Variants in MUC6 observed in about 807,000 individuals in gnomAD.
MUC6 encodes the protein mucin 6, oligomeric mucus/gel-forming (gene/pseudogene).
MUC6 carries 188 observed loss-of-function variants against 201.5 expected under a neutral mutation model. The observed-to-expected ratio is 0.93, with a 90% CI of 0.83 to 1.05. MUC6 has a LOEUF of 1.05. Among genes scored for constraint, MUC6 ranks in the 50% least tolerant of loss-of-function variants. The probability of loss-of-function intolerance (pLI) is 0.00; values close to 1 mark genes in which losing one functional copy is unlikely to be tolerated. For missense variants in MUC6, 2,706 were observed against 3,256.9 expected (o/e 0.83, Z 4.12); for synonymous variants, 1,228 against 1,389.4 (o/e 0.88, Z 2.58).
At chr11:1,034,195 G>T (rs1857169237) in intron 1 of MUC6, among the ~76,000 whole-genome samples, 1 of 151,882 alleles carries the variant, frequency 6.6e-6, no homozygotes, top group Non-Finnish European at 1.5e-5. Context: ...CAGGCAGGAG[G>T]TTGGGTATTT....
At position 1,017,233 on chromosome 11, in the gene MUC6, G is replaced by A. The variant is rs1222685266; in HGVS notation, c.5568C>T (p.Ile1856=). 6.2e-7 allele frequency: 1 copy of A among 1,614,048 alleles called. No individual in the cohort carries two copies. ...SLVTPSTHTV[I]IPTHTQMATS... is the part of the protein sequence containing the mutation. The stretch of plus-strand genomic sequence containing the variant: ...TGGCCATCTGTGTGTGGGTAGGGAT[G>A]ATGACCGTGTGAGTACTTGGAGTCA... Residue 1856 remains isoleucine (I), a synonymous_variant, in exon 31 of 33, where the codon ATC becomes ATT. Coordinates refer to ENST00000421673, the MANE Select transcript of MUC6 (RefSeq NM_005961.3).
Position 1,017,029 on chromosome 11 carries a change from T to A in MUC6, c.5772A>T (p.Ser1924=), listed in dbSNP as rs35621365. ...TSTSLPYHTS[S]THHPEVTPTS... is the part of the protein sequence containing the mutation. ...TTGGGGTGACTTCAGGATGGTGTGT[T>A]GAGGAAGTGTGGTAAGGTAGGGATG... The change falls in exon 31 of 33, where the codon TCA becomes TCT. Residue 1924 remains serine, a synonymous_variant. Coordinates refer to ENST00000421673, the MANE Select transcript of MUC6 (RefSeq NM_005961.3). 275 of 1,604,230 alleles carry A rather than the reference T, an allele frequency of 1.7e-4. No individual in the cohort carries two copies. The highest frequency in any genetic ancestry group is 1.2e-3 in the African/African-American group (86 of 72,982).
Position 1,028,356 on chromosome 11 carries a change from C to T in MUC6, c.1623G>A (p.Thr541=), listed in dbSNP as rs373499875. The T allele has an allele frequency of 7.3e-5, 117 of 1,612,502 alleles. No homozygotes were observed. Among genetic ancestry groups the T allele is most frequent in the Non-Finnish European group, 9.3e-5 (110 of 1,179,848 alleles). Residue 541 remains threonine, a synonymous_variant, in exon 14 of 33, where the codon ACG becomes ACA. Transcript: ENST00000421673. The stretch of plus-strand genomic sequence containing the variant: ...TACCCATGCTAGTGGTGAAGTCATC[C>T]GTTGTGTCCCCGTTGAAGTTGCCGC... ...GLCGNFNGDT[T]DDFTTSMGIA... is the part of the protein sequence containing the mutation.
At position 1,016,035 on chromosome 11, in the gene MUC6, C is replaced by T. The variant is rs1856598323; in HGVS notation, c.6766G>A (p.Ala2256Thr). The change falls in exon 31 of 33, where the codon GCC becomes ACC. Residue 2256 changes from alanine (A) to threonine (T), a missense_variant. Physicochemically the swap from Ala to Thr is moderately conservative, Grantham distance 58. Transcript: ENST00000421673. ...AAGGCAGGGGCGGTGTGGGTGCTGG[C>T]CGTGGTCCTGGGCGTGGACGGAAAT... The part of the protein sequence containing the change: ...IAFPSTPRTT[A>T]STHTAPAFSS... 6.2e-7 allele frequency: 1 copy of T among 1,610,128 alleles called. No homozygotes were observed. Among genetic ancestry groups the T allele is most frequent in the Admixed American group, 1.7e-5 (1 of 59,870 alleles).
Position 1,029,209 on chromosome 11 carries a change from G to T in MUC6, c.1275+19C>A, listed in dbSNP as rs1857041507. 8 of 1,606,252 alleles carry T rather than the reference G, an allele frequency of 5.0e-6. No individual in the cohort carries two copies. The highest frequency in any genetic ancestry group is 1.3e-5 in the African/African-American group (1 of 74,968). On this transcript the variant is annotated intron_variant, in intron 10 of 32. Coordinates refer to ENST00000421673, the MANE Select transcript of MUC6 (RefSeq NM_005961.3). ...TCACCGGGAGCGCCCCTCCCCACGG[G>T]CCACAGGGCTCGTCCTACCTGGAGG...
rs952528294 is a variant in MUC6 at position 1,030,605 on chromosome 11, G to C, written c.860C>G (p.Pro287Arg). 1.3e-6 allele frequency: 2 copies of C among 1,532,038 alleles called. No individual in the cohort carries two copies. Among genetic ancestry groups the C allele is most frequent in the East Asian group, 2.4e-5 (1 of 41,168 alleles). 94.9% of individuals were successfully genotyped at this position (1,532,038 alleles called of 1,614,324 possible). Reference sequence around the variant, plus strand: ...GCCGGGGCTCCGCCAGCGGCGGACCGGCTGGCCCACCATGCTGCACTGGCG... The same window carrying C: ...GCCGGGGCTCCGCCAGCGGCGGACCCGCTGGCCCACCATGCTGCACTGGCG... ...YSRQCSMVGQ[P>R]VRRWRSPGLC... The change falls in exon 7 of 33, where the codon CCG becomes CGG. Residue 287 changes from proline (P) to arginine (R), a missense_variant. Physicochemically the swap from Pro to Arg is moderately radical, Grantham distance 103 (BLOSUM62 -2). Transcript: ENST00000421673.
chr11:1,021,227 A>C lies in MUC6; in HGVS notation c.3577T>G (p.Cys1193Gly). 3 of 1,590,056 alleles carry C rather than the reference A, an allele frequency of 1.9e-6. No homozygotes were observed. The highest frequency in any genetic ancestry group is 2.3e-5 in the South Asian group (2 of 87,480). The part of the protein sequence containing the change: ...DEYFDHEEGV[C>G]VPCMPPTTPQ... ...CGACTGGACTTACTGCAGGGCACGC[A>C]CACCCCCTCCTCGTGGTCGAAGTAC... Residue 1193 changes from cysteine to glycine, a missense_variant, in exon 27 of 33, where the codon TGC (cysteine) becomes GGC (glycine). Around this residue, in one of 10 missense-constraint regions of MUC6, gnomAD observed 1,850 missense variants for 1,958.3 expected, o/e 0.94. Coordinates refer to ENST00000421673, the MANE Select transcript of MUC6 (RefSeq NM_005961.3).
At chr11:1,021,166 C>A (rs1856796655) in intron 27 of MUC6, 49 bp downstream of exon 27, 1 of 1,503,778 alleles carries the variant, frequency 6.6e-7, no homozygotes, top group Non-Finnish European at 8.9e-7. Context: ...GTGCGTTCTG[C>A]CTGCATGCAG....
In MUC6 at chr11:1,016,168, A is replaced by C; in HGVS notation, c.6633T>G (p.Thr2211=). Residue 2211 remains threonine (T), a synonymous_variant, in exon 31 of 33, where the codon ACT becomes ACG. Transcript: ENST00000421673. ...SPAASTTIRA[T]LPHTISSPFT... is the part of the protein sequence containing the mutation. ...AAGGAGAGGAGATAGTGTGGGGGAG[A>C]GTGGCCCTAATGGTAGTAGAGGCAG... is the stretch of plus-strand genomic sequence containing the variant. 2 of 1,613,460 alleles carry C rather than the reference A, an allele frequency of 1.2e-6. No homozygotes were observed. Among genetic ancestry groups the C allele is most frequent in the Non-Finnish European group, 1.7e-6 (2 of 1,179,770 alleles).
rs1185320673 is a variant in MUC6 at position 1,013,310 on chromosome 11, C to G, written c.*146G>C. Reference sequence around the variant, plus strand: ...TGGCAGCCCCTCTCCAACCGGTGCCCCAGGGAGCCACGGCCCAGGGCACTT... The same window carrying G: ...TGGCAGCCCCTCTCCAACCGGTGCCGCAGGGAGCCACGGCCCAGGGCACTT... On this transcript the variant is annotated 3_prime_UTR_variant, in exon 33 of 33. Coordinates refer to ENST00000421673, the MANE Select transcript of MUC6 (RefSeq NM_005961.3). 6 of 811,076 alleles carry G rather than the reference C, an allele frequency of 7.4e-6. No individual in the cohort carries two copies. The highest frequency in any genetic ancestry group is 6.0e-5 in the Admixed American group (2 of 33,432). 50.2% of individuals were successfully genotyped at this position (811,076 alleles called of 1,614,324 possible).
rs779058502 is a variant in MUC6, at chr11:1,017,180, G to A, written c.5621C>T (p.Thr1874Ile). 6.2e-7 allele frequency: 1 copy of A among 1,613,484 alleles called. No individual in the cohort carries two copies. The highest frequency in any genetic ancestry group is 2.2e-5 in the East Asian group (1 of 44,842). Residue 1874 changes from threonine (T) to isoleucine (I), a missense_variant, in exon 31 of 33, where the codon ACA becomes ATA. Transcript: ENST00000421673. ...CGTGGTCGGTGGAGGAATGGTGCCT[G>A]TTGGCATTGAGTGGATGGAGGCAGA... ...ATSASIHSMPTGTIPPPTTIK... is the reference protein window; with the variant it reads ...ATSASIHSMPIGTIPPPTTIK...
At chr11:1,021,351 G>T in intron 26 of MUC6, 74 bp from the exon 27 acceptor site, 1 of 1,026,134 alleles carries the variant, frequency 9.7e-7, no homozygotes, top group Non-Finnish European at 1.3e-6. Flanking sequence ...CTGCCCTGGC[G>T]GCCTCCTTCC....
At position 1,031,148 on chromosome 11, in the gene MUC6, C is replaced by T. The variant is rs1249549682; in HGVS notation, c.574+21G>A. On this transcript the variant is annotated intron_variant, in intron 5 of 32. Coordinates refer to ENST00000421673, the MANE Select transcript of MUC6 (RefSeq NM_005961.3). ...CACCTAGAGGCCCCCCCAGAGGCCCCCCAGCCCTGCCCCCACCTACCCTCC... is the reference window on the plus strand; with the variant it reads ...CACCTAGAGGCCCCCCCAGAGGCCCTCCAGCCCTGCCCCCACCTACCCTCC... The T allele has an allele frequency of 1.2e-5, 16 of 1,349,734 alleles. 1 individual carries two copies. Among genetic ancestry groups the T allele is most frequent in the Non-Finnish European group, 1.6e-5 (16 of 997,242 alleles). 83.6% of individuals were successfully genotyped at this position (1,349,734 alleles called of 1,614,324 possible). A position where few individuals can be genotyped will look rare whatever the true frequency, so the allele number is the denominator to read the frequency against.
chr11:1,027,488 T>C lies in MUC6; in HGVS notation c.2011A>G (p.Ser671Gly), dbSNP rs1856991601. Reference sequence around the variant, plus strand: ...CGCTCACAGGCTTGGCTGTTGTAGCTGAAGGTGGTGTTACCCGTGCAGGGG... The same window carrying C: ...CGCTCACAGGCTTGGCTGTTGTAGCCGAAGGTGGTGTTACCCGTGCAGGGG... ...TIPCTGNTTFSYNSQACERTC... is the reference protein window; with the variant it reads ...TIPCTGNTTFGYNSQACERTC... The change falls in exon 17 of 33, where the codon AGC (serine) becomes GGC (glycine). Residue 671 changes from serine to glycine, a missense_variant. Around this residue, in one of 10 missense-constraint regions of MUC6, gnomAD observed 1,850 missense variants for 1,958.3 expected, o/e 0.94. Coordinates refer to ENST00000421673, the MANE Select transcript of MUC6 (RefSeq NM_005961.3). 6.2e-7 allele frequency: 1 copy of C among 1,612,434 alleles called. No individual in the cohort carries two copies. Among genetic ancestry groups the C allele is most frequent in the African/African-American group, 1.3e-5 (1 of 74,970 alleles).
chr11:1,018,828 C>G, intron 30 of MUC6, 58 bp from the exon 31 acceptor site: 1 of 1,515,604 alleles, frequency 6.6e-7, no homozygotes, highest in Non-Finnish European at 8.8e-7. Flanking sequence ...CCCTGACCTC[C>G]GCTGGCCCGT....
chr11:1,014,078 CG>C, intron 31 of MUC6, 77 bp from the exon 32 acceptor site: 2 of 1,303,664 alleles, frequency 1.5e-6, no homozygotes, highest in South Asian at 1.4e-5. Context: ...GGCTAGAGAC[CG>C]GGGTCCCCAC....
chr11:1,031,508 G>C (rs1007392418), intron 4 of MUC6, 99 bp downstream of exon 4: 1 of 1,497,196 alleles, frequency 6.7e-7, no homozygotes, highest in Admixed American at 2.0e-5. Flanking sequence ...GGCAGCCTGA[G>C]GGCTGGCTGG....
Position 1,019,516 on chromosome 11 carries a change from G to A in MUC6, c.3809-20C>T, listed in dbSNP as rs779183850. 14 of 1,600,226 alleles carry A rather than the reference G, an allele frequency of 8.7e-6. No individual in the cohort carries two copies. Among genetic ancestry groups the A allele is most frequent in the Admixed American group, 3.3e-5 (2 of 59,992 alleles). On this transcript the variant is annotated intron_variant, in intron 29 of 32. Transcript: ENST00000421673. Reference sequence around the variant, plus strand: ...GTGGTTCTGCAGAGGACAGCCGCCCGGAACATCCCCTTGCTGTGGGCCTGC... The same window carrying A: ...GTGGTTCTGCAGAGGACAGCCGCCCAGAACATCCCCTTGCTGTGGGCCTGC...
Position 1,027,507 on chromosome 11 carries a change from G to T in MUC6, c.1992C>A (p.Cys664Ter), listed in dbSNP as rs756057443. 4.3e-6 allele frequency: 7 copies of T among 1,612,360 alleles called. No homozygotes were observed. In the Admixed American group the frequency reaches 6.7e-5, roughly 15 times the overall value. Residue 664 changes from cysteine (C) to a stop codon, truncating the protein, a stop_gained, in exon 17 of 33, where the codon TGC becomes TGA. Coordinates refer to ENST00000421673, the MANE Select transcript of MUC6 (RefSeq NM_005961.3). LOFTEE classifies it high-confidence loss of function. ...TGTAGCTGAAGGTGGTGTTACCCGT[G>T]CAGGGGATGGCTGTGGGGGACCCGG... ...RSSVDNCTIP[C>*]TGNTTFSYNS... is the part of the protein sequence containing the mutation.
Sources: allele counts gnomAD v4.1 joint callset (sites outside exome capture counted in the v4.1 genomes callset), GRCh38; gene constraint gnomAD v4.1.1; regional missense constraint gnomAD v4.1.1; transcripts MANE v1.5; gene names NCBI Gene and HGNC (gene_info 2026-07-23, HGNC 2026-07-21).